KCNIP4: variants seen among roughly 807,000 people sequenced by gnomAD.
KCNIP4 encodes Kv channel-interacting protein 4.
Under a neutral mutation model 34.0 loss-of-function variants are expected in KCNIP4, and 12 were observed. That is an observed-to-expected ratio of 0.35 (90% CI 0.23 to 0.57). The LOEUF is 0.57. KCNIP4 is among the 20% of genes least tolerant of loss of function. The pLI is 0.83. For missense variants in KCNIP4, 238 were observed against 311.7 expected (o/e 0.76, Z 1.78); for synonymous variants, 124 against 102.2 (o/e 1.21, Z -1.29).
chr4:21,372,351 T>TG, intron 1 of KCNIP4, among the ~76,000 whole-genome samples: 1 of 122,762 alleles, frequency 8.1e-6, no homozygotes, highest in Admixed American at 8.4e-5. Context: ...TCCAGTTTGG[T>TG]GAATAGATAG....
chr4:21,583,110 C>T (rs760998461), intron 1 of KCNIP4, among the ~76,000 whole-genome samples: 36 of 151,890 alleles, frequency 2.4e-4, no homozygotes, highest in Non-Finnish European at 4.9e-4. Context: ...TGAAGAAAAC[C>T]GCCCTCAGTA....
At chr4:21,268,961 T>A (rs1038842844) in intron 1 of KCNIP4, among the ~76,000 whole-genome samples, 6 of 152,224 alleles carry the variant, frequency 3.9e-5, no homozygotes, top group African/African-American at 9.6e-5. Flanking sequence ...TACAGGTAGA[T>A]CTTGTCTTAA....
intron 1 of KCNIP4, among the ~76,000 whole-genome samples, chr4:21,147,938 T>TAAAAAAAAAAA: frequency 1.0e-4 from 1 of 10,012 alleles, no homozygotes; most frequent in Non-Finnish European, 1.8e-4. Context: ...AAACTCCGTC[T>TAAAAAAAAAAA]CAAAAAAAAA....
In KCNIP4 at chr4:20,758,936, A is replaced by C. The variant is rs559259503; in HGVS notation, c.289-46T>G. 2.6e-6 allele frequency: 4 copies of C among 1,536,472 alleles called. No homozygotes were observed. In the South Asian group the frequency reaches 4.5e-5, roughly 17 times the overall value. On this transcript the variant is annotated intron_variant, in intron 3 of 8. Transcript: ENST00000382152. ...GCAATATGAGCAAAGTGTTCATAAA[A>C]CTGAATTTTTTTTGCACATTTTGAA...
At chr4:21,362,115 C>T (rs982961543) in intron 1 of KCNIP4, among the ~76,000 whole-genome samples, 3 of 151,984 alleles carry the variant, frequency 2.0e-5, no homozygotes, top group East Asian at 1.9e-4. Flanking sequence ...ATGCACAATT[C>T]GAGGAAATAG....
At chr4:21,356,536 A>G (rs1460279970) in intron 1 of KCNIP4, among the ~76,000 whole-genome samples, 1 of 152,206 alleles carries the variant, frequency 6.6e-6, no homozygotes, top group South Asian at 2.1e-4. Flanking sequence ...ACAAACACAG[A>G]GCCAAATCAT....
At chr4:20,916,169 T>G (rs1250797828) in intron 1 of KCNIP4, among the ~76,000 whole-genome samples, 1 of 152,212 alleles carries the variant, frequency 6.6e-6, no homozygotes, top group Non-Finnish European at 1.5e-5. Context: ...CAATCAGCTC[T>G]GTCCACCTTC....
At chr4:21,756,352 G>C (rs893410108) in intron 1 of KCNIP4, among the ~76,000 whole-genome samples, 3 of 151,992 alleles carry the variant, frequency 2.0e-5, no homozygotes, top group African/African-American at 7.2e-5. Context: ...TCATGAGACA[G>C]AGTCCAGCCT....
At chr4:21,264,619 T>C (rs1487098259) in intron 1 of KCNIP4, among the ~76,000 whole-genome samples, 2 of 152,292 alleles carry the variant, frequency 1.3e-5, no homozygotes, top group Admixed American at 6.5e-5. Flanking sequence ...TGACTTAATG[T>C]TTATAAAGTT....
In KCNIP4 at chr4:21,536,293, T is replaced by A. The variant is rs141084309; in HGVS notation, c.61+412278A>T. 4.7e-4 allele frequency among the ~76,000 whole-genome samples: 71 copies of A among 152,286 alleles called. No individual in the cohort carries two copies. In the East Asian group the frequency reaches 8.1e-3, roughly 17 times the overall value. ...ATTGCAAGTTAACATGCTGTATAGA[T>A]TCTGATTCTGCAGGAAAATTCTCCT... On this transcript the variant is annotated intron_variant, in intron 1 of 8. Transcript: ENST00000382152.
intron 1 of KCNIP4, among the ~76,000 whole-genome samples, chr4:21,200,656 G>A (rs1756426283): frequency 6.6e-6 from 1 of 151,534 alleles, no homozygotes; most frequent in Non-Finnish European, 1.5e-5. Context: ...GGTGAGGGTG[G>A]TTAAGGAAAG....
At chr4:20,846,432 A>G (rs1720385085) in intron 3 of KCNIP4, among the ~76,000 whole-genome samples, 1 of 152,236 alleles carries the variant, frequency 6.6e-6, no homozygotes. Context: ...GTTTCGAAAG[A>G]GTGCAGCAAA....
intron 1 of KCNIP4, among the ~76,000 whole-genome samples, chr4:21,570,597 A>C (rs2109051167): frequency 6.6e-6 from 1 of 152,294 alleles, no homozygotes; most frequent in Non-Finnish European, 1.5e-5. Flanking sequence ...CATATGGGAG[A>C]AGGATATATA....
intron 1 of KCNIP4, among the ~76,000 whole-genome samples, chr4:21,478,590 T>C (rs1731177578): frequency 6.6e-6 from 1 of 152,172 alleles, no homozygotes; most frequent in South Asian, 2.1e-4. Flanking sequence ...TTACCGTTAT[T>C]TTGGCCCTCA....
chr4:20,910,229 AT>A (rs199947069), intron 1 of KCNIP4, among the ~76,000 whole-genome samples: 34 of 146,522 alleles, frequency 2.3e-4, no homozygotes, highest in African/African-American at 7.0e-4. Flanking sequence ...CAAAAGACTT[AT>A]TTTTTTTTTA....
intron 1 of KCNIP4, among the ~76,000 whole-genome samples, chr4:21,875,416 T>C (rs963400651): frequency 6.6e-6 from 1 of 152,216 alleles, no homozygotes; most frequent in Non-Finnish European, 1.5e-5. Context: ...CTGTGGTTCA[T>C]GTTTTTCACC....
intron 1 of KCNIP4, among the ~76,000 whole-genome samples, chr4:21,435,213 T>A (rs1348110813): frequency 6.6e-6 from 1 of 152,080 alleles, no homozygotes; most frequent in Non-Finnish European, 1.5e-5. Context: ...TGTTGAAAAA[T>A]GTAAACCAAG....
At chr4:20,809,981 A>G (rs1201000146) in intron 3 of KCNIP4, among the ~76,000 whole-genome samples, 1 of 152,188 alleles carries the variant, frequency 6.6e-6, no homozygotes, top group African/African-American at 2.4e-5. Flanking sequence ...AAGTCAGAGA[A>G]ACATGATCTC....
chr4:21,780,867 C>T (rs956522554), intron 1 of KCNIP4, among the ~76,000 whole-genome samples: 2 of 152,146 alleles, frequency 1.3e-5, no homozygotes, highest in Non-Finnish European at 2.9e-5. Context: ...AGAATCCTTC[C>T]TTTCCTCTTC....
Sources: gnomAD v4.1 joint callset for allele counts (sites outside exome capture counted in the v4.1 genomes callset) on GRCh38, gnomAD v4.1.1 for gene constraint, MANE v1.5 for transcripts, NCBI Gene and HGNC (gene_info 2026-07-23, HGNC 2026-07-21) for gene names.